Variants in FAM149B1 observed in about 807,000 individuals in gnomAD.
The protein encoded by FAM149B1 is family with sequence similarity 149 member B1.
A neutral mutation model predicts 75.3 loss-of-function variants in FAM149B1; 56 were observed. That is an observed-to-expected ratio of 0.74 (90% CI 0.60 to 0.93). FAM149B1 has a LOEUF of 0.93. Ranked by LOEUF, FAM149B1 falls within the 40% of genes least tolerant of loss-of-function variation. The pLI, the probability that FAM149B1 is intolerant of heterozygous loss-of-function variation, is 0.00. For missense variants in FAM149B1, 639 were observed against 708.4 expected (o/e 0.90, Z 1.11); for synonymous variants, 259 against 256.1 (o/e 1.01, Z -0.11).
At chr10:73,234,161 G>A (rs1005715333) in intron 10 of FAM149B1, 1 of 152,124 alleles carries the variant, frequency 6.6e-6, no homozygotes, top group Non-Finnish European at 1.5e-5. Context: ...TTTTCAATGC[G>A]GCTTCCAAGT....
intron 5 of FAM149B1, among the ~76,000 whole-genome samples, chr10:73,198,668 G>A (rs1293850565): frequency 1.3e-5 from 2 of 152,146 alleles, no homozygotes; most frequent in African/African-American, 4.8e-5. Flanking sequence ...AGCTTGGCGT[G>A]GCAGTGTGCA....
chr10:73,235,275 T>C lies in FAM149B1; in HGVS notation c.1559T>C (p.Leu520Ser), dbSNP rs2043797148. 1 of 1,552,112 alleles carries C rather than the reference T, an allele frequency of 6.4e-7. No individual in the cohort carries two copies. Among genetic ancestry groups the C allele is most frequent in the East Asian group, 2.4e-5 (1 of 40,934 alleles). The change falls in exon 12 of 14, where the codon TTG (leucine) becomes TCG (serine). Residue 520 changes from leucine (L) to serine (S), a missense_variant. Transcript: ENST00000242505. The stretch of plus-strand genomic sequence containing the variant: ...CAGCAGCCACAAGAAAGGCTCCTTT[T>C]GCCCGACTTTTTCCCCAGGCCCAAC... ...NYQQPQERLL[L>S]PDFFPRPNTT... is the part of the protein sequence containing the mutation.
intron 7 of FAM149B1, among the ~76,000 whole-genome samples, chr10:73,219,771 AC>A (rs1439837403): frequency 1.3e-5 from 2 of 152,132 alleles, no homozygotes; most frequent in African/African-American, 4.8e-5. Context: ...TGGATCAAGG[AC>A]CTAAATTTGA....
At position 73,244,177 on chromosome 10, in the gene FAM149B1, G is replaced by A; in HGVS notation, c.*3158G>A. The A allele has an allele frequency of 2.1e-6, 1 of 480,502 alleles. No individual in the cohort carries two copies. The highest frequency in any genetic ancestry group is 3.9e-5 in the Admixed American group (1 of 25,728). The allele number at this position is 480,502 out of a possible 1,614,324, so 29.8% of individuals were successfully genotyped here. On this transcript the variant is annotated 3_prime_UTR_variant, in exon 14 of 14. Transcript: ENST00000242505. ...TTTGCTAGAGGTAGTAAGTACTCTG[G>A]CACTCATAAATCACATGATGATAAA... is the stretch of plus-strand genomic sequence containing the variant.
chr10:73,187,834 G>A (rs2042568109), intron 3 of FAM149B1, among the ~76,000 whole-genome samples: 1 of 152,038 alleles, frequency 6.6e-6, no homozygotes, highest in Non-Finnish European at 1.5e-5. Flanking sequence ...TGTAATCCCA[G>A]CACTTTGGAA....
At chr10:73,204,602 A>G (rs961223120) in intron 5 of FAM149B1, among the ~76,000 whole-genome samples, 4 of 152,148 alleles carry the variant, frequency 2.6e-5, no homozygotes, top group African/African-American at 7.2e-5. Context: ...ACTGAAACAA[A>G]TGAGTCATCA....
Position 73,174,697 on chromosome 10 carries a change from A to T in FAM149B1, c.58A>T (p.Thr20Ser), listed in dbSNP as rs1168239032. 4 of 1,549,740 alleles carry T rather than the reference A, an allele frequency of 2.6e-6. No individual in the cohort carries two copies. The highest frequency in any genetic ancestry group is 3.5e-6 in the Non-Finnish European group (4 of 1,145,890). ...TTTTGTCTTTCACAGGAAAGGAATAACAAAACATGCTCTTAACCATCATCC... is the reference window on the plus strand; with the variant it reads ...TTTTGTCTTTCACAGGAAAGGAATATCAAAACATGCTCTTAACCATCATCC... ...VPQSLELKGI[T>S]KHALNHHPPP... is the part of the protein sequence containing the mutation. Residue 20 changes from threonine to serine, a missense_variant, in exon 2 of 14, where the codon ACA (threonine) becomes TCA (serine). By Grantham distance (58) the Thr-to-Ser change is moderately conservative. Coordinates refer to ENST00000242505, the MANE Select transcript of FAM149B1 (RefSeq NM_173348.2).
At chr10:73,229,470 G>C (rs1285521253) in intron 8 of FAM149B1, among the ~76,000 whole-genome samples, 1 of 152,234 alleles carries the variant, frequency 6.6e-6, no homozygotes, top group African/African-American at 2.4e-5. Context: ...AGCTACTCTG[G>C]AGGCTGAGGC....
At chr10:73,235,107 A>G (rs772279017) in intron 11 of FAM149B1, 86 bp from the exon 12 acceptor site, 117 of 1,468,710 alleles carry the variant, frequency 8.0e-5, no homozygotes, top group Middle Eastern at 1.7e-4. Context: ...TGCACTTACC[A>G]TATCTGCCAT....
At position 73,230,553 on chromosome 10, in the gene FAM149B1, A is replaced by G. The variant is rs1448372057; in HGVS notation, c.1127+28A>G. 4 of 1,257,056 alleles carry G rather than the reference A, an allele frequency of 3.2e-6. No homozygotes were observed. In the South Asian group the frequency reaches 5.1e-5, roughly 16 times the overall value. 77.9% of individuals were successfully genotyped at this position (1,257,056 alleles called of 1,614,324 possible). A position where few individuals can be genotyped will look rare whatever the true frequency, so the allele number is the denominator to read the frequency against. On this transcript the variant is annotated intron_variant, in intron 9 of 13. Coordinates refer to ENST00000242505, the MANE Select transcript of FAM149B1 (RefSeq NM_173348.2). The stretch of plus-strand genomic sequence containing the variant: ...AAGAAGTTCAACATTTTCAGACTAT[A>G]CAGTGTAAAAGGGAAACAGAGGGAA...
chr10:73,233,290 T>G, intron 10 of FAM149B1, 127 bp downstream of exon 10: 1 of 706,440 alleles, frequency 1.4e-6, no homozygotes, highest in South Asian at 1.8e-5. Context: ...TTATGACAGA[T>G]TGCCCATGGG....
At chr10:73,216,251 A>T (rs2043296486) in intron 7 of FAM149B1, among the ~76,000 whole-genome samples, 2 of 151,788 alleles carry the variant, frequency 1.3e-5, no homozygotes, top group South Asian at 4.2e-4. Flanking sequence ...TCTGTGGAAT[A>T]TTTTTTTCCA....
chr10:73,224,471 C>CTTTT (rs1178386006), intron 7 of FAM149B1, among the ~76,000 whole-genome samples: 2 of 135,406 alleles, frequency 1.5e-5, no homozygotes, highest in African/African-American at 2.8e-5. Flanking sequence ...ATTATTACAA[C>CTTTT]TTTTTTTTTT....
chr10:73,221,363 CTG>C (rs1203276189), intron 7 of FAM149B1, among the ~76,000 whole-genome samples: 1 of 147,260 alleles, frequency 6.8e-6, no homozygotes. Context: ...TAGTGATTAA[CTG>C]TTTCTTTTGT....
intron 5 of FAM149B1, chr10:73,200,964 A>C (rs1033053420): frequency 2.3e-6 from 1 of 433,818 alleles, no homozygotes; most frequent in East Asian, 5.6e-5. Flanking sequence ...GGGAATTCTG[A>C]TCAGGGTCAA....
intron 3 of FAM149B1, among the ~76,000 whole-genome samples, chr10:73,188,733 GA>G (rs200642036): frequency 0.16 from 12,821 of 77,992 alleles, 946 homozygotes; most frequent in East Asian, 0.39. Flanking sequence ...TCAGAAAAAA[GA>G]AAAAAAAAAA....
Position 73,168,250 on chromosome 10 carries a change from C to A in FAM149B1, c.-90C>A. On this transcript the variant is annotated 5_prime_UTR_variant, in exon 1 of 14. Transcript: ENST00000242505. ...GGTGGCGGGAGGGGCCGGGCCGGAGCCGGCGGGAGGGCCAGGCCCGGAGGC... is the reference window on the plus strand; with the variant it reads ...GGTGGCGGGAGGGGCCGGGCCGGAGACGGCGGGAGGGCCAGGCCCGGAGGC... 7.0e-7 allele frequency: 1 copy of A among 1,428,914 alleles called. No individual in the cohort carries two copies. Among genetic ancestry groups the A allele is most frequent in the Non-Finnish European group, 9.5e-7 (1 of 1,056,450 alleles). The allele number at this position is 1,428,914 out of a possible 1,614,324, so 88.5% of individuals were successfully genotyped here.
rs2043802869 is a variant in FAM149B1, at chr10:73,235,562, C to T, written c.1602+244C>T. On this transcript the variant is annotated intron_variant, in intron 12 of 13. Transcript: ENST00000242505. ...AAGCAATTTAACACTTAAGATATGT[C>T]TGACCACAAGCAAGAATATTAAATC... 4 of 765,152 alleles carry T rather than the reference C, an allele frequency of 5.2e-6. No individual in the cohort carries two copies. In the Middle Eastern group the frequency reaches 1.4e-3, roughly 260 times the overall value. 47.4% of individuals were successfully genotyped at this position (765,152 alleles called of 1,614,324 possible).
chr10:73,168,252 G>A lies in FAM149B1; in HGVS notation c.-88G>A. ...TGGCGGGAGGGGCCGGGCCGGAGCC[G>A]GCGGGAGGGCCAGGCCCGGAGGCCC... On this transcript the variant is annotated 5_prime_UTR_variant, in exon 1 of 14. Coordinates refer to ENST00000242505, the MANE Select transcript of FAM149B1 (RefSeq NM_173348.2). 3 of 1,444,042 alleles carry A rather than the reference G, an allele frequency of 2.1e-6. No individual in the cohort carries two copies. Among genetic ancestry groups the A allele is most frequent in the Middle Eastern group, 2.4e-4 (1 of 4,118 alleles). The allele number at this position is 1,444,042 out of a possible 1,614,324, so 89.5% of individuals were successfully genotyped here.
Sources: gnomAD v4.1 joint callset for allele counts (sites outside exome capture counted in the v4.1 genomes callset) on GRCh38, gnomAD v4.1.1 for gene constraint, MANE v1.5 for transcripts, NCBI Gene and HGNC (gene_info 2026-07-23, HGNC 2026-07-21) for gene names.